The following PCDHA10 variants were observed in gnomAD, a reference collection of about 807,000 sequenced individuals.
PCDHA10 encodes the protein protocadherin alpha-10.
PCDHA10 carries 45 observed loss-of-function variants against 61.2 expected under a neutral mutation model. That is an observed-to-expected ratio of 0.74 (90% CI 0.58 to 0.94). The LOEUF (loss-of-function observed/expected upper bound fraction) is 0.94. Among genes scored for constraint, PCDHA10 ranks in the 40% least tolerant of loss-of-function variants. PCDHA10 has a pLI of 0.00. For synonymous variants in PCDHA10, 602 were observed against 548.8 expected (o/e 1.10, Z -1.35); for missense variants, 1,278 against 1,236.2 (o/e 1.03, Z -0.51).
At chr5:140,869,400 C>G (rs782134920) in intron 1 of PCDHA10, 3 of 1,614,144 alleles carry the variant, frequency 1.9e-6, no homozygotes, top group Middle Eastern at 3.3e-4. Context: ...GCGGGCAGAG[C>G]GCGGAGTGCA....
chr5:140,882,558 G>T (rs782792864), intron 1 of PCDHA10: 16 of 1,614,130 alleles, frequency 9.9e-6, no homozygotes, highest in Non-Finnish European at 1.1e-5. Flanking sequence ...GAGCTGTGTG[G>T]GCGGAGCGCG....
intron 3 of PCDHA10, among the ~76,000 whole-genome samples, chr5:141,001,849 T>G (rs889682000): frequency 6.6e-6 from 1 of 151,820 alleles, no homozygotes; most frequent in Non-Finnish European, 1.5e-5. Context: ...GAGAGAGAGG[T>G]TGATTAAATT....
chr5:140,938,295 A>G (rs1458865676), intron 1 of PCDHA10, among the ~76,000 whole-genome samples: 1 of 152,190 alleles, frequency 6.6e-6, no homozygotes, highest in Non-Finnish European at 1.5e-5. Context: ...GTCATTGCCT[A>G]TGAAATTCAG....
intron 1 of PCDHA10, among the ~76,000 whole-genome samples, chr5:140,954,496 T>G (rs571286912): frequency 2.3e-4 from 35 of 152,256 alleles, no homozygotes; most frequent in Non-Finnish European, 2.8e-4. Context: ...CATTGTGGTT[T>G]TGATTTGCAT....
chr5:140,914,159 G>A (rs1193212496), intron 1 of PCDHA10, among the ~76,000 whole-genome samples: 3 of 152,088 alleles, frequency 2.0e-5, no homozygotes, highest in African/African-American at 4.8e-5. Flanking sequence ...TGTCCAATAC[G>A]GAAAGTGGGG....
chr5:140,988,871 A>T (rs1319139244), intron 3 of PCDHA10: 1 of 152,208 alleles, frequency 6.6e-6, no homozygotes, highest in Non-Finnish European at 1.5e-5. Context: ...GTGCACTCAG[A>T]TGTACGATCC....
intron 1 of PCDHA10, among the ~76,000 whole-genome samples, chr5:140,911,064 T>C (rs2153516956): frequency 6.6e-6 from 1 of 152,226 alleles, no homozygotes; most frequent in African/African-American, 2.4e-5. Flanking sequence ...GGGTGGGTCC[T>C]GAGGAGAATC....
At chr5:140,966,522 G>A (rs1350046535) in intron 1 of PCDHA10, 2 of 437,040 alleles carry the variant, frequency 4.6e-6, no homozygotes, top group Non-Finnish European at 7.9e-6. Flanking sequence ...GCAGGAAGCC[G>A]AGCCGGGTTG....
At chr5:141,001,384 A>G (rs1554258149) in intron 3 of PCDHA10, among the ~76,000 whole-genome samples, 1 of 152,204 alleles carries the variant, frequency 6.6e-6, no homozygotes, top group African/African-American at 2.4e-5. Context: ...AGAGCCTAAG[A>G]TCCTACAGAG....
chr5:140,949,521 T>C (rs2094388357), intron 1 of PCDHA10, among the ~76,000 whole-genome samples: 1 of 151,932 alleles, frequency 6.6e-6, no homozygotes, highest in East Asian at 1.9e-4. Flanking sequence ...TTGATCCTTT[T>C]ATCTTCATAA....
intron 1 of PCDHA10, among the ~76,000 whole-genome samples, chr5:140,976,072 T>C (rs1193049661): frequency 6.6e-6 from 1 of 152,250 alleles, no homozygotes; most frequent in South Asian, 2.1e-4. Context: ...TGTCTTACTG[T>C]GTCAGATATA....
At chr5:140,963,989 T>C (rs2095803669) in intron 1 of PCDHA10, among the ~76,000 whole-genome samples, 1 of 152,202 alleles carries the variant, frequency 6.6e-6, no homozygotes, top group Non-Finnish European at 1.5e-5. Flanking sequence ...ATATTCCTAA[T>C]TACTGTGTTC....
intron 1 of PCDHA10, among the ~76,000 whole-genome samples, chr5:140,934,109 A>G (rs2089636629): frequency 6.6e-6 from 1 of 151,948 alleles, no homozygotes; most frequent in Non-Finnish European, 1.5e-5. Flanking sequence ...CTATTTTATT[A>G]ATTTTCATAC....
At chr5:140,916,539 A>G (rs114063131) in intron 1 of PCDHA10, among the ~76,000 whole-genome samples, 1,727 of 152,262 alleles carry the variant, frequency 0.011, 30 homozygotes, top group African/African-American at 0.038. Context: ...CACCAAGGCA[A>G]TGGGTTTTCT....
chr5:140,869,381 A>G, intron 1 of PCDHA10: 2 of 1,614,128 alleles, frequency 1.2e-6, no homozygotes, highest in South Asian at 1.1e-5. Flanking sequence ...ATCGACCGCG[A>G]GGAGCTGTGC....
Position 140,870,243 on chromosome 5 carries a change from C to A in PCDHA10, c.2388+11807C>A, listed in dbSNP as rs782592982. 3.1e-6 allele frequency: 5 copies of A among 1,614,176 alleles called. No homozygotes were observed. The East Asian group carries it at 6.7e-5, about 22-fold the overall frequency. On this transcript the variant is annotated intron_variant, in intron 1 of 3. Transcript: ENST00000307360. Reference sequence around the variant, plus strand: ...GCGTGTCTGACCGTGACTCAGGTGTCAACGGACAGGTGACCTGCTCGCTGA... The same window carrying A: ...GCGTGTCTGACCGTGACTCAGGTGTAAACGGACAGGTGACCTGCTCGCTGA...
chr5:140,887,246 G>A (rs1346055055), intron 1 of PCDHA10, among the ~76,000 whole-genome samples: 2 of 151,778 alleles, frequency 1.3e-5, no homozygotes, highest in Non-Finnish European at 2.9e-5. Flanking sequence ...ACCGGCGCCC[G>A]CCACCACGCC....
chr5:140,906,702 T>C (rs1315678574), intron 1 of PCDHA10, among the ~76,000 whole-genome samples: 2 of 152,232 alleles, frequency 1.3e-5, no homozygotes, highest in African/African-American at 2.4e-5. Context: ...GGGCCATTTG[T>C]AGTCCTGCCT....
intron 3 of PCDHA10, 32 bp from the exon 4 acceptor site, chr5:141,009,595 C>T (rs781807814): frequency 6.2e-7 from 1 of 1,604,124 alleles, no homozygotes; most frequent in Admixed American, 1.7e-5. Context: ...TGTGTTGACC[C>T]TGTTAATGAT....
Sources: allele counts gnomAD v4.1 joint callset (sites outside exome capture counted in the v4.1 genomes callset), GRCh38; gene constraint gnomAD v4.1.1; transcripts MANE v1.5; gene names NCBI Gene and HGNC (gene_info 2026-07-23, HGNC 2026-07-21).